Variants in DNPEP observed in about 807,000 individuals in gnomAD.
The protein encoded by DNPEP is aspartyl aminopeptidase.
Under a neutral mutation model 59.1 loss-of-function variants are expected in DNPEP, and 46 were observed. The ratio of observed to expected loss-of-function variants is 0.78; its 90% confidence interval spans 0.61 to 0.99. The LOEUF is 0.99. Among genes scored for constraint, DNPEP ranks in the 50% least tolerant of loss-of-function variants. DNPEP has a pLI of 0.00. For missense variants in DNPEP, 617 were observed against 649.9 expected, an observed-to-expected ratio of 0.95 and a Z score of 0.55; for synonymous variants, 229 against 242.2, an observed-to-expected ratio of 0.95 and a Z score of 0.50.
In DNPEP at chr2:219,381,391, C is replaced by T. The variant is rs1427090593; in HGVS notation, c.1183G>A (p.Ala395Thr). The part of the protein sequence containing the change: ...VNSKQRYASN[A>T]VSEALIREVA... Reference sequence around the variant, plus strand: ...TCTCGGATCAGGGCCTCTGACACCGCGTTTGAAGCATAGCGTTGCTTGCTG... The same window carrying T: ...TCTCGGATCAGGGCCTCTGACACCGTGTTTGAAGCATAGCGTTGCTTGCTG... Residue 395 changes from alanine (A) to threonine (T), a missense_variant, in exon 13 of 15, where the codon GCG (alanine) becomes ACG (threonine). Ala to Thr is a moderately conservative substitution (Grantham distance 58). Coordinates refer to ENST00000273075, the MANE Select transcript of DNPEP (RefSeq NM_012100.4). The T allele has an allele frequency of 1.1e-5, 17 of 1,614,106 alleles. No homozygotes were observed. Among genetic ancestry groups the T allele is most frequent in the East Asian group, 2.2e-5 (1 of 44,902 alleles).
At chr2:219,398,165 G>C (rs1292241984) in intron 1 of DNPEP, among the ~76,000 whole-genome samples, 1 of 152,160 alleles carries the variant, frequency 6.6e-6, no homozygotes, top group African/African-American at 2.4e-5. Context: ...ATGCACGTAG[G>C]GTGCTCATCA....
In DNPEP at chr2:219,376,557, T is replaced by C. The variant is rs1036532179; in HGVS notation, c.1240-1535A>G. 2.0e-5 allele frequency among the ~76,000 whole-genome samples: 3 copies of C among 151,630 alleles called. 1 individual carries two copies. Among genetic ancestry groups the C allele is most frequent in the Admixed American group, 2.0e-4 (3 of 15,222 alleles). ...TTCTTTGTCACTATTTGAGACGACA[T>C]TTCACCTTGAAAAGTGGATAACAGA... On this transcript the variant is annotated intron_variant, in intron 13 of 14. Transcript: ENST00000273075.
intron 4 of DNPEP, 94 bp from the exon 5 acceptor site, chr2:219,386,505 G>C: frequency 2.6e-6 from 4 of 1,557,316 alleles, no homozygotes; most frequent in South Asian, 1.2e-5. Flanking sequence ...GCGAATATTA[G>C]TGTCACATGA....
chr2:219,399,995 C>T, exon 1 of DNPEP: 3 of 1,247,242 alleles, frequency 2.4e-6, no homozygotes, highest in Non-Finnish European at 3.4e-6. Flanking sequence ...TTGCCGGATC[C>T]TTCCCCTGCC....
chr2:219,391,372 A>G (rs923776100), upstream of DNPEP, among the ~76,000 whole-genome samples: 9 of 152,270 alleles, frequency 5.9e-5, no homozygotes, highest in Non-Finnish European at 5.9e-5. Flanking sequence ...AGCTGTCGAG[A>G]TGATGTCACT....
Position 219,385,721 on chromosome 2 carries a change from G to A in DNPEP, c.591-15C>T. 6.3e-7 allele frequency: 1 copy of A among 1,589,176 alleles called. No individual in the cohort carries two copies. The highest frequency in any genetic ancestry group is 1.1e-5 in the South Asian group (1 of 88,030). ...GAATGGGGACTCTGTGGGGAGACGT[G>A]GGTTGTGGGGGGATTGCGAGGAGGG... On this transcript the variant is annotated splice_polypyrimidine_tract_variant and intron_variant, in intron 6 of 14. Coordinates refer to ENST00000273075, the MANE Select transcript of DNPEP (RefSeq NM_012100.4).
upstream of DNPEP, among the ~76,000 whole-genome samples, chr2:219,392,338 C>T (rs184362304): frequency 2.8e-4 from 43 of 151,162 alleles, no homozygotes; most frequent in Admixed American, 9.8e-4. Flanking sequence ...TTATAAGATA[C>T]ATATGTCTTT....
intron 10 of DNPEP, among the ~76,000 whole-genome samples, chr2:219,382,830 G>T (rs998803741): frequency 1.3e-5 from 2 of 152,220 alleles, no homozygotes; most frequent in African/African-American, 4.8e-5. Context: ...ACACACGCAG[G>T]CATCATGAGG....
upstream of DNPEP, among the ~76,000 whole-genome samples, chr2:219,389,495 G>T (rs951032263): frequency 6.6e-6 from 1 of 152,120 alleles, no homozygotes; most frequent in African/African-American, 2.4e-5. Flanking sequence ...CACCCACTAG[G>T]TGCTGGCTTA....
At position 219,387,096 on chromosome 2, in the gene DNPEP, A is replaced by G; in HGVS notation, c.104T>C (p.Val35Ala). The G allele has an allele frequency of 6.3e-7, 1 of 1,592,730 alleles. No homozygotes were observed. The highest frequency in any genetic ancestry group is 8.6e-7 in the Non-Finnish European group (1 of 1,168,528). Residue 35 changes from valine to alanine, a missense_variant, in exon 2 of 15, where the codon GTG becomes GCG. Coordinates refer to ENST00000273075, the MANE Select transcript of DNPEP (RefSeq NM_012100.4). ...ATGGAAAGGAGAGGGACTCCGGTTCACGAACTTGAGGAGTTCCTTAGCCGC... is the reference window on the plus strand; with the variant it reads ...ATGGAAAGGAGAGGGACTCCGGTTCGCGAACTTGAGGAGTTCCTTAGCCGC... ...QTAAKELLKF[V>A]NRSPSPFHAV...
intron 1 of DNPEP, among the ~76,000 whole-genome samples, chr2:219,397,876 C>T (rs1954125006): frequency 2.0e-5 from 3 of 152,158 alleles, no homozygotes; most frequent in Non-Finnish European, 2.9e-5. Context: ...AGGCATGAGC[C>T]ACTGTGCCTG....
rs1203827545 is a variant in DNPEP at position 219,387,768 on chromosome 2, C to T, written c.27G>A (p.Gly9=). 6.2e-7 allele frequency: 1 copy of T among 1,605,694 alleles called. No homozygotes were observed. Among genetic ancestry groups the T allele is most frequent in the Non-Finnish European group, 8.5e-7 (1 of 1,176,834 alleles). Residue 9 remains glycine (G), a synonymous_variant, in exon 1 of 15, where the codon GGG becomes GGA. Coordinates refer to ENST00000273075, the MANE Select transcript of DNPEP (RefSeq NM_012100.4). ...GTCGGGAGCCACTTACCTGCATGGC[C>T]CCGCGCGTGGGGCTGTGTCCGCTCA... The part of the protein sequence containing the change: MSGHSPTR[G]AMQVAMNGKA...
rs898287789 is a variant in DNPEP, at chr2:219,379,168, C to T, written c.1239+2167G>A. Reference sequence around the variant, plus strand: ...CTGACCTCAAGTGATCCACCCGCCTCGGCCTCCCAAAGTGCTGGGATTACA... The same window carrying T: ...CTGACCTCAAGTGATCCACCCGCCTTGGCCTCCCAAAGTGCTGGGATTACA... On this transcript the variant is annotated intron_variant, in intron 13 of 14. Coordinates refer to ENST00000273075, the MANE Select transcript of DNPEP (RefSeq NM_012100.4). Among the ~76,000 whole-genome samples the T allele has an allele frequency of 4.6e-5, 7 of 152,210 alleles. No homozygotes were observed. The East Asian group carries it at 1.4e-3, about 29-fold the overall frequency.
chr2:219,397,131 C>T (rs1048057060), intron 1 of DNPEP, among the ~76,000 whole-genome samples: 12 of 152,142 alleles, frequency 7.9e-5, no homozygotes, highest in African/African-American at 1.9e-4. Flanking sequence ...ATCCACACAC[C>T]GGGCTCACAT....
chr2:219,384,306 C>T, intron 9 of DNPEP, 60 bp downstream of exon 9: 2 of 1,526,930 alleles, frequency 1.3e-6, no homozygotes, highest in South Asian at 2.4e-5. Flanking sequence ...GCTCCCCCGA[C>T]CCCAAACATA....
chr2:219,374,471 C>A (rs565737543), intron 14 of DNPEP, 129 bp from the exon 15 acceptor site: 3 of 820,986 alleles, frequency 3.7e-6, no homozygotes, highest in Non-Finnish European at 6.0e-6. Flanking sequence ...TTGACAGCCA[C>A]CCCAGTCTTC....
intron 13 of DNPEP, 137 bp downstream of exon 13, chr2:219,381,198 C>G: frequency 1.3e-6 from 1 of 762,800 alleles, no homozygotes; most frequent in South Asian, 1.6e-5. Flanking sequence ...TATCCAAAAT[C>G]CCTGCTTTTC....
rs779690922 is a variant in DNPEP at position 219,382,158 on chromosome 2, T to C, written c.937-19A>G. On this transcript the variant is annotated intron_variant, in intron 10 of 14. Transcript: ENST00000273075. ...ACCCCACCTGGCGACAGTAGAGTCC[T>C]GACTCTGGGAATCTGGGCTTAGGGG... 1.4e-5 allele frequency: 23 copies of C among 1,602,590 alleles called. No individual in the cohort carries two copies. In the South Asian group the frequency reaches 1.9e-4, roughly 13 times the overall value.
chr2:219,388,066 G>T, upstream of DNPEP: 1 of 420,628 alleles, frequency 2.4e-6, no homozygotes, highest in Non-Finnish European at 3.1e-6. Context: ...GCCTTGCCCC[G>T]CCCTTGCCCC....
Sources: allele counts gnomAD v4.1 joint callset (sites outside exome capture counted in the v4.1 genomes callset), GRCh38; gene constraint gnomAD v4.1.1; transcripts MANE v1.5; gene names NCBI Gene and HGNC (gene_info 2026-07-23, HGNC 2026-07-21).